PDE9A: variants seen among roughly 807,000 people sequenced by gnomAD.
The protein encoded by PDE9A is high affinity cGMP-specific 3',5'-cyclic phosphodiesterase 9A.
In PDE9A, 60 loss-of-function variants were observed where a neutral mutation model predicts 87.4. The ratio of observed to expected loss-of-function variants is 0.69; its 90% confidence interval spans 0.56 to 0.85. The LOEUF (loss-of-function observed/expected upper bound fraction) is 0.85. Among genes scored for constraint, PDE9A ranks in the 40% least tolerant of loss-of-function variants. PDE9A has a pLI of 0.00. For synonymous variants in PDE9A, 272 were observed against 279.4 expected, an observed-to-expected ratio of 0.97 and a Z score of 0.27; for missense variants, 665 against 779.0, an observed-to-expected ratio of 0.85 and a Z score of 1.74.
chr21:42,720,540 A>G lies in PDE9A; in HGVS notation c.263-11230A>G, dbSNP rs192516288. 1.7e-3 allele frequency among the ~76,000 whole-genome samples: 254 copies of G among 152,270 alleles called. 1 individual carries two copies. The highest frequency in any genetic ancestry group is 2.8e-3 in the Non-Finnish European group (190 of 68,020). On this transcript the variant is annotated intron_variant, in intron 4 of 19. Transcript: ENST00000291539. ...CACCCCACTACGGGCAAGAAGCCACACAGAAAGAAAAATAAAATAGGTATC... is the reference window on the plus strand; with the variant it reads ...CACCCCACTACGGGCAAGAAGCCACGCAGAAAGAAAAATAAAATAGGTATC...
chr21:42,681,126 C>T (rs2059143733), intron 1 of PDE9A, among the ~76,000 whole-genome samples: 1 of 152,220 alleles, frequency 6.6e-6, no homozygotes, highest in Non-Finnish European at 1.5e-5. Context: ...CTTCTCACAG[C>T]CCCAAGGGGC....
intron 3 of PDE9A, among the ~76,000 whole-genome samples, chr21:42,698,436 G>A (rs915910684): frequency 6.6e-6 from 1 of 152,170 alleles, no homozygotes; most frequent in Non-Finnish European, 1.5e-5. Context: ...CGACAGAAAC[G>A]TTTTGGCTGT....
chr21:42,657,429 G>A (rs1191934549), intron 1 of PDE9A, among the ~76,000 whole-genome samples: 5 of 152,264 alleles, frequency 3.3e-5, no homozygotes, highest in African/African-American at 1.2e-4. Context: ...TTGCTTCAGA[G>A]AGACTGTGTC....
At position 42,705,480 on chromosome 21, in the gene PDE9A, T is replaced by C. The variant is rs1021127749; in HGVS notation, c.262+6469T>C. ...GCAGGGGAGATGCCTGTGATGAGGATTGGGTGCTGTGATCACAGCACGCGG... is the reference window on the plus strand; with the variant it reads ...GCAGGGGAGATGCCTGTGATGAGGACTGGGTGCTGTGATCACAGCACGCGG... On this transcript the variant is annotated intron_variant, in intron 4 of 19. Coordinates refer to ENST00000291539, the MANE Select transcript of PDE9A (RefSeq NM_002606.3). The surrounding 1 kb of genome is among the most constrained non-coding windows in gnomAD (Gnocchi z 4.3). Among the ~76,000 whole-genome samples the C allele has an allele frequency of 2.0e-5, 3 of 149,618 alleles. No homozygotes were observed. The highest frequency in any genetic ancestry group is 7.3e-5 in the African/African-American group (3 of 41,244).
intron 19 of PDE9A, among the ~76,000 whole-genome samples, chr21:42,773,822 A>G (rs765114795): frequency 2.8e-5 from 4 of 142,804 alleles, no homozygotes; most frequent in Non-Finnish European, 6.0e-5. Flanking sequence ...ATAAATAAAT[A>G]AGCCGGGCGC....
chr21:42,691,097 C>T (rs890818216), intron 3 of PDE9A, among the ~76,000 whole-genome samples: 13 of 151,640 alleles, frequency 8.6e-5, no homozygotes, highest in Non-Finnish European at 1.9e-4. Context: ...ACCCCGATAC[C>T]ATCACCATCC....
intron 4 of PDE9A, among the ~76,000 whole-genome samples, chr21:42,724,839 A>T (rs1426509329): frequency 1.3e-5 from 2 of 152,242 alleles, no homozygotes; most frequent in African/African-American, 4.8e-5. Flanking sequence ...GGCATGAAAC[A>T]TGACAGCTGC....
At chr21:42,732,562 G>A (rs1000220840) in intron 6 of PDE9A, among the ~76,000 whole-genome samples, 8 of 152,326 alleles carry the variant, frequency 5.3e-5, no homozygotes, top group East Asian at 3.9e-4. Context: ...TCTCTGTGGC[G>A]TCTTACTGCC....
chr21:42,721,861 C>T (rs1293196609), intron 4 of PDE9A, among the ~76,000 whole-genome samples: 3 of 151,970 alleles, frequency 2.0e-5, no homozygotes, highest in African/African-American at 2.4e-5. Flanking sequence ...ATCTTCCGGA[C>T]GTCTAGAGTG....
In PDE9A at chr21:42,659,746, G is replaced by A. The variant is rs754471679; in HGVS notation, c.69+5863G>A. 2.0e-5 allele frequency among the ~76,000 whole-genome samples: 3 copies of A among 152,198 alleles called. No homozygotes were observed. The highest frequency in any genetic ancestry group is 4.4e-5 in the Non-Finnish European group (3 of 68,034). On this transcript the variant is annotated intron_variant, in intron 1 of 19. Transcript: ENST00000291539. This position sits in a 1 kb window ranked among gnomAD's most constrained non-coding sequence, Gnocchi z 4.1. ...AAGGAGCCAGAACCACAGGCCCCAT[G>A]AGCCCAGGTCCCACAGCCCGCACCT...
chr21:42,666,138 C>T (rs1349241220), intron 1 of PDE9A, among the ~76,000 whole-genome samples: 3 of 152,176 alleles, frequency 2.0e-5, no homozygotes, highest in African/African-American at 7.2e-5. Context: ...TGGGCGTGGC[C>T]ACAACCGAGA....
chr21:42,668,729 G>A (rs975476914), intron 1 of PDE9A, among the ~76,000 whole-genome samples: 4 of 152,206 alleles, frequency 2.6e-5, no homozygotes, highest in Non-Finnish European at 2.9e-5. Context: ...CCCGGGATCC[G>A]CGCAGATGCC....
intron 3 of PDE9A, among the ~76,000 whole-genome samples, 154 bp downstream of exon 3, chr21:42,688,148 T>C (rs2059581819): frequency 6.6e-6 from 1 of 152,182 alleles, no homozygotes; most frequent in Non-Finnish European, 1.5e-5. Flanking sequence ...TGAAGGAAGC[T>C]TGACTCGTCG....
At chr21:42,670,272 CACACATTCACACAT>C (rs1402436328) in intron 1 of PDE9A, among the ~76,000 whole-genome samples, 1 of 135,712 alleles carries the variant, frequency 7.4e-6, no homozygotes, top group Admixed American at 7.1e-5. Context: ...CACACATATT[CACACATTCACACAT>C]ACACATTCAC....
intron 4 of PDE9A, among the ~76,000 whole-genome samples, chr21:42,721,862 G>A (rs1036892471): frequency 2.0e-5 from 3 of 152,042 alleles, no homozygotes; most frequent in East Asian, 3.9e-4. Context: ...TCTTCCGGAC[G>A]TCTAGAGTGC....
chr21:42,665,072 A>G (rs2057874254), intron 1 of PDE9A, among the ~76,000 whole-genome samples: 2 of 152,262 alleles, frequency 1.3e-5, no homozygotes, highest in Admixed American at 6.5e-5. Flanking sequence ...AGGCAGACAC[A>G]CATTTGTCCA....
chr21:42,753,922 T>G (rs186456598), intron 9 of PDE9A, 68 bp from the exon 10 acceptor site: 5 of 739,188 alleles, frequency 6.8e-6, no homozygotes, highest in Non-Finnish European at 1.2e-5. Flanking sequence ...AGGAGAAATA[T>G]CTCAGCATGC....
intron 8 of PDE9A, among the ~76,000 whole-genome samples, chr21:42,748,174 AC>A (rs2054063270): frequency 6.6e-6 from 1 of 152,238 alleles, no homozygotes; most frequent in Admixed American, 6.5e-5. Flanking sequence ...TTTACACAAA[AC>A]AGGTTAAAAG....
At chr21:42,725,835 T>G (rs1297637130) in intron 4 of PDE9A, among the ~76,000 whole-genome samples, 1 of 152,352 alleles carries the variant, frequency 6.6e-6, no homozygotes, top group African/African-American at 2.4e-5. Context: ...ACATCAGTTC[T>G]CCGCGTACAT....
Sources: gnomAD v4.1 joint callset for allele counts (sites outside exome capture counted in the v4.1 genomes callset) on GRCh38, gnomAD v4.1.1 for gene constraint, Gnocchi (gnomAD v3.1) non-coding constraint, MANE v1.5 for transcripts, NCBI Gene and HGNC (gene_info 2026-07-23, HGNC 2026-07-21) for gene names.